Variants in AKAP19 observed in about 807,000 individuals in gnomAD.
The protein encoded by AKAP19 is small A-kinase anchoring protein.
At chr2:189,990,755 GT>G in the AKAP19 span, among the ~76,000 whole-genome samples, 2 of 151,818 alleles carry the variant, frequency 1.3e-5, no homozygotes, top group African/African-American at 4.8e-5. Context: ...ATGGTGTTTG[GT>G]TGCATGGAAA....
chr2:189,932,438 A>G, the AKAP19 span, among the ~76,000 whole-genome samples: 1 of 150,872 alleles, frequency 6.6e-6, no homozygotes. Context: ...CATTCTATTC[A>G]TGATAAATGC....
chr2:190,086,671 T>C, the AKAP19 span, among the ~76,000 whole-genome samples: 3 of 152,208 alleles, frequency 2.0e-5, no homozygotes, highest in African/African-American at 7.2e-5. Flanking sequence ...ATCTGAACCA[T>C]TGTGGTTCTT....
At chr2:190,143,682 A>C in the AKAP19 span, among the ~76,000 whole-genome samples, 1 of 152,058 alleles carries the variant, frequency 6.6e-6, no homozygotes, top group Non-Finnish European at 1.5e-5. Context: ...TATATACCCA[A>C]AGGACTATAA....
At chr2:190,187,865 G>C in the AKAP19 span, among the ~76,000 whole-genome samples, 1 of 152,142 alleles carries the variant, frequency 6.6e-6, no homozygotes, top group East Asian at 1.9e-4. Flanking sequence ...GGAGAAAAAA[G>C]GTGGGTAGCT....
At chr2:190,122,455 C>G in the AKAP19 span, among the ~76,000 whole-genome samples, 1 of 152,326 alleles carries the variant, frequency 6.6e-6, no homozygotes, top group Non-Finnish European at 1.5e-5. Context: ...TGTAGTTTAT[C>G]TTCTCACACT....
the AKAP19 span, among the ~76,000 whole-genome samples, chr2:190,099,536 TATA>T: frequency 6.6e-6 from 1 of 152,086 alleles, no homozygotes; most frequent in African/African-American, 2.4e-5. Flanking sequence ...CCATAACAGA[TATA>T]ATAATAATAA....
chr2:190,005,364 A>G, the AKAP19 span, among the ~76,000 whole-genome samples: 3 of 152,138 alleles, frequency 2.0e-5, no homozygotes, highest in Non-Finnish European at 4.4e-5. Flanking sequence ...GTGTTTTTAC[A>G]GAGTGCTGAT....
At chr2:189,978,259 G>C in the AKAP19 span, among the ~76,000 whole-genome samples, 1 of 152,064 alleles carries the variant, frequency 6.6e-6, no homozygotes, top group Non-Finnish European at 1.5e-5. Flanking sequence ...CCCTCCTTTT[G>C]GAGTCCCCTG....
At chr2:190,026,868 A>C in the AKAP19 span, among the ~76,000 whole-genome samples, 3 of 152,164 alleles carry the variant, frequency 2.0e-5, no homozygotes, top group South Asian at 2.1e-4. Flanking sequence ...TGGTATACTA[A>C]ATAAGAATTT....
chr2:190,059,388 A>G, the AKAP19 span, among the ~76,000 whole-genome samples: 9 of 151,972 alleles, frequency 5.9e-5, no homozygotes, highest in Non-Finnish European at 1.3e-4. Flanking sequence ...TTTTTGCACA[A>G]GAATGCTAAG....
chr2:190,141,342 A>C, the AKAP19 span, among the ~76,000 whole-genome samples: 3 of 151,958 alleles, frequency 2.0e-5, no homozygotes, highest in Non-Finnish European at 2.9e-5. Context: ...ACTCCACTCT[A>C]CTGGTACCAG....
the AKAP19 span, among the ~76,000 whole-genome samples, chr2:189,907,863 G>T: frequency 6.6e-6 from 1 of 151,964 alleles, no homozygotes; most frequent in Non-Finnish European, 1.5e-5. Context: ...ATTGTTCATA[G>T]TATTCTCTTA....
chr2:189,951,901 T>C, the AKAP19 span, among the ~76,000 whole-genome samples: 60 of 152,328 alleles, frequency 3.9e-4, no homozygotes, highest in Non-Finnish European at 2.2e-4. Flanking sequence ...AAATTTCCCA[T>C]GAGAAAAGTG....
chr2:189,991,345 C>T, the AKAP19 span, among the ~76,000 whole-genome samples: 4 of 152,132 alleles, frequency 2.6e-5, no homozygotes, highest in African/African-American at 9.7e-5. Flanking sequence ...TTACCATATC[C>T]ACTGCAACAT....
At chr2:189,897,516 C>G in the AKAP19 span, among the ~76,000 whole-genome samples, 5 of 152,168 alleles carry the variant, frequency 3.3e-5, no homozygotes, top group East Asian at 9.6e-4. Flanking sequence ...TACAGTTCTT[C>G]AAAGACAATA....
the AKAP19 span, among the ~76,000 whole-genome samples, chr2:189,902,027 T>A: frequency 2.0e-5 from 3 of 152,190 alleles, no homozygotes; most frequent in East Asian, 5.8e-4. Flanking sequence ...GTTATTACTG[T>A]TATTTATTTT....
chr2:190,059,113 T>A, the AKAP19 span, among the ~76,000 whole-genome samples: 6 of 151,896 alleles, frequency 4.0e-5, no homozygotes, highest in African/African-American at 1.4e-4. Flanking sequence ...AATTATATCA[T>A]CTTTATAACT....
the AKAP19 span, chr2:189,879,563 A>G: frequency 6.6e-6 from 1 of 152,502 alleles, no homozygotes; most frequent in Non-Finnish European, 1.5e-5. Flanking sequence ...AAGCCCGGCA[A>G]TCTTCCGCAG....
chr2:190,041,743 G>T, the AKAP19 span, among the ~76,000 whole-genome samples: 1 of 152,118 alleles, frequency 6.6e-6, no homozygotes, highest in Non-Finnish European at 1.5e-5. Flanking sequence ...GAATTTTATT[G>T]AAAGCCTGTT....
Sources: allele counts gnomAD v4.1 joint callset (sites outside exome capture counted in the v4.1 genomes callset), GRCh38; gene constraint gnomAD v4.1.1; transcripts MANE v1.5; gene names NCBI Gene and HGNC (gene_info 2026-07-23, HGNC 2026-07-21).